LRRK1: variants seen among roughly 807,000 people sequenced by gnomAD.
LRRK1 encodes the protein leucine-rich repeat serine/threonine-protein kinase 1.
In LRRK1, 113 loss-of-function variants were observed where a neutral mutation model predicts 209.1. The observed-to-expected ratio is 0.54, with a 90% CI of 0.46 to 0.63. The LOEUF is 0.63. LRRK1 is among the 30% of genes least tolerant of loss of function. LRRK1 has a pLI of 0.00. For missense variants in LRRK1, 2,284 were observed against 2,632.2 expected (o/e 0.87, Z 2.89); for synonymous variants, 1,144 against 1,099.7 (o/e 1.04, Z -0.80).
chr15:101,027,365 G>T lies in LRRK1; in HGVS notation c.2510G>T (p.Arg837Leu). Residue 837 changes from arginine to leucine, a missense_variant, in exon 18 of 34, where the codon CGA becomes CTA. Arg to Leu is a moderately radical substitution (Grantham distance 102). This residue lies in a region of LRRK1 where 780 missense variants were observed against 985.2 expected (regional missense o/e 0.79). Coordinates refer to ENST00000388948, the MANE Select transcript of LRRK1 (RefSeq NM_024652.6). This position sits in a 1 kb window ranked among gnomAD's most constrained non-coding sequence, Gnocchi z 5.1. The stretch of plus-strand genomic sequence containing the variant: ...GTGGGCAGCACCATCGGCTGCCAGC[G>T]ACTGGCAGGGCGGCTGGTGGGTACC... Reference protein sequence around the residue: ...KDVGSTIGCQRLAGRLIPRSY... With the variant: ...KDVGSTIGCQLLAGRLIPRSY... 1 of 1,613,704 alleles carries T rather than the reference G, an allele frequency of 6.2e-7. No homozygotes were observed. The highest frequency in any genetic ancestry group is 1.1e-5 in the South Asian group (1 of 91,040).
In LRRK1 at chr15:101,010,819, T is replaced by C. The variant is rs1440805295; in HGVS notation, c.1263T>C (p.Asp421=). 2.5e-6 allele frequency: 4 copies of C among 1,613,022 alleles called. No individual in the cohort carries two copies. The South Asian group carries it at 4.4e-5, about 18-fold the overall frequency. ...GAAACAACCTGAAGGTGTTTCCAGATCCCTGGGCCTGCCCTTTGGTGAGTA... is the reference window on the plus strand; with the variant it reads ...GAAACAACCTGAAGGTGTTTCCAGACCCCTGGGCCTGCCCTTTGGTGAGTA... The part of the protein sequence containing the change: ...VSRNNLKVFP[D]PWACPLKCCK... Residue 421 remains aspartate, a synonymous_variant, in exon 9 of 34, where the codon GAT becomes GAC. Coordinates refer to ENST00000388948, the MANE Select transcript of LRRK1 (RefSeq NM_024652.6).
At chr15:101,046,228 C>A (rs2035068787) in intron 21 of LRRK1, 76 bp downstream of exon 21, 3 of 1,477,682 alleles carry the variant, frequency 2.0e-6, no homozygotes, top group Non-Finnish European at 1.9e-6. Flanking sequence ...GAGGGGAATG[C>A]CCTTTGCTGG....
In LRRK1 at chr15:101,009,047, G is replaced by A. The variant is rs2033115026; in HGVS notation, c.973G>A (p.Glu325Lys). 3 of 1,613,972 alleles carry A rather than the reference G, an allele frequency of 1.9e-6. No homozygotes were observed. Among genetic ancestry groups the A allele is most frequent in the Non-Finnish European group, 2.5e-6 (3 of 1,179,844 alleles). Residue 325 changes from glutamate (E) to lysine (K), a missense_variant, in exon 7 of 34, where the codon GAA becomes AAA. Transcript: ENST00000388948. ...GCTGCCTGGCGTGCAGTCATCGGAC[G>A]AAATCATCTGTTCCAGGTGGCTCCC... is the stretch of plus-strand genomic sequence containing the variant. ...GELPGVQSSD[E>K]IICSRLLEID... is the part of the protein sequence containing the mutation.
chr15:101,042,338 G>A (rs952385484), intron 20 of LRRK1, among the ~76,000 whole-genome samples: 2 of 151,732 alleles, frequency 1.3e-5, no homozygotes, highest in Non-Finnish European at 2.9e-5. Flanking sequence ...TTTTAAAGGT[G>A]TCACCCCATT....
intron 2 of LRRK1, among the ~76,000 whole-genome samples, chr15:100,947,055 C>T (rs1030665547): frequency 3.3e-5 from 5 of 152,172 alleles, no homozygotes; most frequent in Middle Eastern, 3.4e-3. Flanking sequence ...CTGCAACCTC[C>T]GCCTCCCAGC....
At chr15:100,954,896 C>A (rs1304507828) in intron 2 of LRRK1, among the ~76,000 whole-genome samples, 1 of 152,184 alleles carries the variant, frequency 6.6e-6, no homozygotes, top group Non-Finnish European at 1.5e-5. Context: ...TAGAACCATA[C>A]TGTTTTGCTT....
chr15:101,057,958 C>T, intron 28 of LRRK1, 32 bp from the exon 29 acceptor site: 1 of 1,612,996 alleles, frequency 6.2e-7, no homozygotes, highest in South Asian at 1.1e-5. Flanking sequence ...TGTAAGTGAC[C>T]TTGCTCTCTT....
chr15:101,012,742 C>T (rs779593704), intron 10 of LRRK1, among the ~76,000 whole-genome samples: 12 of 152,174 alleles, frequency 7.9e-5, no homozygotes, highest in East Asian at 1.9e-4. Context: ...CTCTTGTGTG[C>T]GGCGACCCCC....
chr15:101,001,626 TG>T (rs1290470657), intron 6 of LRRK1, among the ~76,000 whole-genome samples: 3 of 152,170 alleles, frequency 2.0e-5, no homozygotes, highest in African/African-American at 2.4e-5. Context: ...AAGAAAGACT[TG>T]GGGTTTGTAT....
intron 21 of LRRK1, among the ~76,000 whole-genome samples, chr15:101,047,926 C>G (rs1443162676): frequency 6.6e-6 from 1 of 152,168 alleles, no homozygotes; most frequent in African/African-American, 2.4e-5. Flanking sequence ...CACCAACTTA[C>G]ACTTCCAGAA....
intron 2 of LRRK1, among the ~76,000 whole-genome samples, chr15:100,931,400 G>C (rs1464423305): frequency 6.6e-6 from 1 of 152,166 alleles, no homozygotes; most frequent in Non-Finnish European, 1.5e-5. Context: ...GTGACTCAGA[G>C]ATATTTAAAG....
rs142055697 is a variant in LRRK1, at chr15:101,038,020, C to A, written c.2964-7961C>A. Among the ~76,000 whole-genome samples, 1,170 of 152,228 alleles carry A rather than the reference C, an allele frequency of 7.7e-3. 3 individuals carry two copies. Among genetic ancestry groups the A allele is most frequent in the Middle Eastern group, 0.014 (4 of 294 alleles). ...TTAAAAAAATTGTGGTATATATACA[C>A]CATAGAATACTACTCAGCCATATAA... On this transcript the variant is annotated intron_variant, in intron 20 of 33. Transcript: ENST00000388948.
In LRRK1 at chr15:100,988,638, C is replaced by T; in HGVS notation, c.438C>T (p.Pro146=). The change falls in exon 5 of 34, where the codon CCC becomes CCT. Residue 146 remains proline (P), a synonymous_variant. Coordinates refer to ENST00000388948, the MANE Select transcript of LRRK1 (RefSeq NM_024652.6). The part of the protein sequence containing the change: ...VQELLESLPG[P]CSPQRLLNWM... ...TGTCCTGCCATCTCCTGCCAGGTCC[C>T]TGCAGTCCCCAGCGGCTTCTGAACT... is the stretch of plus-strand genomic sequence containing the variant. 1.9e-6 allele frequency: 3 copies of T among 1,614,148 alleles called. No individual in the cohort carries two copies. The South Asian group carries it at 3.3e-5, about 18-fold the overall frequency.
chr15:100,960,031 AT>A (rs555088426), intron 2 of LRRK1, among the ~76,000 whole-genome samples: 49 of 152,180 alleles, frequency 3.2e-4, no homozygotes, highest in Admixed American at 3.3e-4. Flanking sequence ...CCTGAAAAGC[AT>A]TTTTTTTAAT....
At chr15:101,013,750 C>T (rs934536463) in intron 10 of LRRK1, among the ~76,000 whole-genome samples, 1 of 152,324 alleles carries the variant, frequency 6.6e-6, no homozygotes, top group South Asian at 2.1e-4. Context: ...GGGCTACCCA[C>T]GAGGGGCACC....
At chr15:101,062,974 CA>C (rs1240814331) in intron 31 of LRRK1, among the ~76,000 whole-genome samples, 1 of 152,196 alleles carries the variant, frequency 6.6e-6, no homozygotes, top group Non-Finnish European at 1.5e-5. Flanking sequence ...ACTGTTGGTA[CA>C]AATGGCACGG....
intron 31 of LRRK1, among the ~76,000 whole-genome samples, chr15:101,063,810 TAA>T (rs3835122): frequency 0.13 from 18,978 of 146,670 alleles, 1,298 homozygotes; most frequent in Non-Finnish European, 0.15. Context: ...CAGTTTCATT[TAA>T]AAAAAAAAAA....
chr15:101,049,581 A>T (rs1198221971), intron 22 of LRRK1, 63 bp from the exon 23 acceptor site: 3 of 1,574,042 alleles, frequency 1.9e-6, no homozygotes, highest in South Asian at 2.4e-5. Flanking sequence ...GGGGGTAGGG[A>T]TATCATCCCA....
intron 2 of LRRK1, among the ~76,000 whole-genome samples, chr15:100,958,312 AT>A (rs1276191707): frequency 6.6e-6 from 1 of 152,194 alleles, no homozygotes; most frequent in Non-Finnish European, 1.5e-5. Context: ...TATACTGAAT[AT>A]TTATTGAGCT....
Sources: allele counts gnomAD v4.1 joint callset (sites outside exome capture counted in the v4.1 genomes callset), GRCh38; gene constraint gnomAD v4.1.1; regional missense constraint gnomAD v4.1.1; non-coding constraint Gnocchi (gnomAD v3.1); transcripts MANE v1.5; gene names NCBI Gene and HGNC (gene_info 2026-07-23, HGNC 2026-07-21).